The following RAPGEF1 variants were observed in gnomAD, a reference collection of about 807,000 sequenced individuals.
RAPGEF1 encodes the protein CRK SH3-binding GNRP.
A neutral mutation model predicts 143.3 loss-of-function variants in RAPGEF1; 33 were observed. The observed-to-expected ratio is 0.23, with a 90% CI of 0.17 to 0.31. RAPGEF1 has a LOEUF of 0.31. Ranked by LOEUF, RAPGEF1 falls within the 10% of genes least tolerant of loss-of-function variation. The pLI, the probability that RAPGEF1 is intolerant of heterozygous loss-of-function variation, is 1.00. For missense variants in RAPGEF1, 1,199 were observed against 1,645.4 expected (o/e 0.73, Z 4.69); for synonymous variants, 629 against 676.5 (o/e 0.93, Z 1.09).
chr9:131,588,077 G>C (rs1953489458), intron 20 of RAPGEF1, 51 bp from the exon 21 acceptor site: 4 of 1,489,862 alleles, frequency 2.7e-6, no homozygotes, highest in Non-Finnish European at 3.7e-6. Flanking sequence ...AGGCCGGTGG[G>C]GAGGGCTGAG....
chr9:131,586,109 G>A (rs892679127), intron 22 of RAPGEF1, among the ~76,000 whole-genome samples: 3 of 152,028 alleles, frequency 2.0e-5, no homozygotes, highest in Non-Finnish European at 4.4e-5. Context: ...AACCCGGGAG[G>A]TGGAGCTTGA....
At chr9:131,589,837 G>C in intron 19 of RAPGEF1, 49 bp downstream of exon 19, 1 of 1,532,350 alleles carries the variant, frequency 6.5e-7, no homozygotes, top group Non-Finnish European at 9.0e-7. Flanking sequence ...GTGGAATGGA[G>C]CCTTTGCCTC....
Position 131,579,594 on chromosome 9 carries a change from C to T in RAPGEF1, c.3695G>A (p.Ser1232Asn). The T allele has an allele frequency of 6.2e-7, 1 of 1,614,012 alleles. No individual in the cohort carries two copies. The highest frequency in any genetic ancestry group is 8.5e-7 in the Non-Finnish European group (1 of 1,179,868). The stretch of plus-strand genomic sequence containing the variant: ...TAGGGCCTCCTCAGCCAGGTGGTCA[C>T]TGAAGTCATTGAAGAAGTTTATAAT... ...DDIINFFNDFSDHLAEEALWE... is the reference protein window; with the variant it reads ...DDIINFFNDFNDHLAEEALWE... Residue 1232 changes from serine to asparagine, a missense_variant, in exon 27 of 27, where the codon AGT (serine) becomes AAT (asparagine). This residue lies in a region of RAPGEF1 where 67 missense variants were observed against 105.4 expected (regional missense o/e 0.64). Transcript: ENST00000683357.
At chr9:131,714,471 G>C (rs560478385) in intron 1 of RAPGEF1, among the ~76,000 whole-genome samples, 69 of 152,152 alleles carry the variant, frequency 4.5e-4, no homozygotes, top group African/African-American at 1.7e-3. Flanking sequence ...AAAGCTTTGT[G>C]TATGGAATTT....
At chr9:131,632,917 A>T (rs1363722243) in intron 5 of RAPGEF1, among the ~76,000 whole-genome samples, 2 of 152,190 alleles carry the variant, frequency 1.3e-5, no homozygotes, top group Admixed American at 6.5e-5. Flanking sequence ...CCAAAATTAA[A>T]TGCATATATC....
intron 1 of RAPGEF1, among the ~76,000 whole-genome samples, chr9:131,700,726 T>C (rs570534045): frequency 2.0e-5 from 3 of 152,174 alleles, no homozygotes; most frequent in Admixed American, 6.5e-5. Context: ...TTCTCCTTAT[T>C]ACAGTGGTGA....
At chr9:131,705,298 G>T (rs1834967187) in intron 1 of RAPGEF1, among the ~76,000 whole-genome samples, 1 of 152,062 alleles carries the variant, frequency 6.6e-6, no homozygotes, top group Admixed American at 6.6e-5. Context: ...AAGTGCTGGG[G>T]ACAAAACAAT....
chr9:131,589,814 G>C (rs1163865968), intron 19 of RAPGEF1, 72 bp downstream of exon 19: 1 of 1,410,002 alleles, frequency 7.1e-7, no homozygotes, highest in Admixed American at 1.7e-5. Flanking sequence ...GAGCCGATGG[G>C]CAGGAGAAGC....
rs145739964 is a variant in RAPGEF1 at position 131,603,090 on chromosome 9, A to G, written c.2412+871T>C. Among the ~76,000 whole-genome samples the G allele has an allele frequency of 1.7e-4, 26 of 152,300 alleles. No individual in the cohort carries two copies. In the East Asian group the frequency reaches 2.5e-3, roughly 15 times the overall value. Reference sequence around the variant, plus strand: ...ATCCCACTGGAGTGGACACTCTTCAATGTTCTATAACCTGCTAATGTCTGA... The same window carrying G: ...ATCCCACTGGAGTGGACACTCTTCAGTGTTCTATAACCTGCTAATGTCTGA... On this transcript the variant is annotated intron_variant, in intron 14 of 26. Transcript: ENST00000683357.
chr9:131,690,728 G>A (rs374928395), intron 1 of RAPGEF1, among the ~76,000 whole-genome samples: 2 of 152,190 alleles, frequency 1.3e-5, no homozygotes, highest in African/African-American at 2.4e-5. Flanking sequence ...GGAGGTGGAA[G>A]GTACAGTGAG....
chr9:131,739,858 G>T lies in RAPGEF1; in HGVS notation c.-28C>A, dbSNP rs1218116930. 1 of 1,002,308 alleles carries T rather than the reference G, an allele frequency of 1.0e-6. No individual in the cohort carries two copies. The highest frequency in any genetic ancestry group is 4.5e-5 in the South Asian group (1 of 22,316). 62.1% of individuals were successfully genotyped at this position (1,002,308 alleles called of 1,614,324 possible). ...GGCCCGGGCCGGGCCGCCGCGGGGC[G>T]ACAGGGGCGGCGCGCCCGCCGCTCG... On this transcript the variant is annotated 5_prime_UTR_variant, in exon 1 of 27. Transcript: ENST00000683357.
intron 1 of RAPGEF1, among the ~76,000 whole-genome samples, chr9:131,656,873 A>G (rs1972611463): frequency 6.6e-6 from 1 of 152,222 alleles, no homozygotes; most frequent in Non-Finnish European, 1.5e-5. Flanking sequence ...ACATGTCAGC[A>G]CCTAAAGACA....
intron 1 of RAPGEF1, among the ~76,000 whole-genome samples, chr9:131,663,841 A>C (rs1829995015): frequency 6.6e-6 from 1 of 152,220 alleles, no homozygotes; most frequent in African/African-American, 2.4e-5. Context: ...CTGCAATTTG[A>C]GATTTTAAGC....
rs1955640703 is a variant in RAPGEF1, at chr9:131,598,290, G to A, written c.2522C>T (p.Ala841Val). 6.2e-7 allele frequency: 1 copy of A among 1,613,960 alleles called. No homozygotes were observed. Among genetic ancestry groups the A allele is most frequent in the Non-Finnish European group, 8.5e-7 (1 of 1,179,876 alleles). Residue 841 changes from alanine (A) to valine (V), a missense_variant, in exon 16 of 27, where the codon GCT becomes GTT. By Grantham distance (64) the Ala-to-Val change is moderately conservative. Around this residue, in one of 6 missense-constraint regions of RAPGEF1, gnomAD observed 293 missense variants for 356.2 expected, o/e 0.82. Transcript: ENST00000683357. Reference protein sequence around the residue: ...GSERAPKSPDALESAQSEEEV... With the variant: ...GSERAPKSPDVLESAQSEEEV... ...CTCCTCCGACTGAGCCGACTCCAGA[G>A]CATCTGGTGACTTTGGGGCCCTGCG...
At chr9:131,707,585 T>C (rs1345999340) in intron 1 of RAPGEF1, among the ~76,000 whole-genome samples, 1 of 152,132 alleles carries the variant, frequency 6.6e-6, no homozygotes, top group African/African-American at 2.4e-5. Context: ...GGATTACAGA[T>C]GTGCACCAGC....
intron 5 of RAPGEF1, among the ~76,000 whole-genome samples, chr9:131,638,277 T>C (rs923353465): frequency 2.0e-5 from 3 of 152,184 alleles, no homozygotes; most frequent in African/African-American, 4.8e-5. Context: ...TCCCAGAACA[T>C]GAAAAGGTAG....
chr9:131,676,719 C>T (rs1405664464), intron 1 of RAPGEF1, among the ~76,000 whole-genome samples: 1 of 152,228 alleles, frequency 6.6e-6, no homozygotes, highest in Admixed American at 6.5e-5. Context: ...GAGGACAAAC[C>T]TGGCCTTCTG....
intron 12 of RAPGEF1, among the ~76,000 whole-genome samples, chr9:131,611,710 T>G (rs1958037685): frequency 6.6e-6 from 1 of 152,358 alleles, no homozygotes; most frequent in Middle Eastern, 3.4e-3. Context: ...GGCTCTAATT[T>G]ATACTTATTC....
intron 12 of RAPGEF1, 140 bp from the exon 13 acceptor site, chr9:131,605,328 C>T (rs991774905): frequency 9.3e-6 from 7 of 750,528 alleles, no homozygotes; most frequent in Non-Finnish European, 1.3e-5. Context: ...CGCCAAGCAA[C>T]CCCCAGTCCT....
Sources: gnomAD v4.1 joint callset for allele counts (sites outside exome capture counted in the v4.1 genomes callset) on GRCh38, gnomAD v4.1.1 for gene constraint, gnomAD v4.1.1 regional missense constraint, MANE v1.5 for transcripts, NCBI Gene and HGNC (gene_info 2026-07-23, HGNC 2026-07-21) for gene names.